The following CYP2E1 variants were observed in gnomAD, a reference collection of about 807,000 sequenced individuals.
The protein encoded by CYP2E1 is cytochrome P450 family 2 subfamily E member 1, also known as cytochrome P450 2E1.
A neutral mutation model predicts 42.9 loss-of-function variants in CYP2E1; 31 were observed. That is an observed-to-expected ratio of 0.72 (90% CI 0.54 to 0.98). CYP2E1 has a LOEUF of 0.98. Among genes scored for constraint, CYP2E1 ranks in the 50% least tolerant of loss-of-function variants. CYP2E1 has a pLI of 0.00. For missense variants in CYP2E1, 565 were observed against 633.2 expected (o/e 0.89, Z 1.16); for synonymous variants, 244 against 248.9 (o/e 0.98, Z 0.19).
intron 7 of CYP2E1, 46 bp downstream of exon 7, chr10:133,537,296 A>G: frequency 6.3e-7 from 1 of 1,581,156 alleles, no homozygotes; most frequent in South Asian, 1.2e-5. Flanking sequence ...CCATCCTATC[A>G]GCTAATCGCC....
intron 8 of CYP2E1, 106 bp from the exon 9 acceptor site, chr10:133,538,674 C>T (rs577398124): frequency 1.4e-4 from 134 of 971,714 alleles, no homozygotes; most frequent in Middle Eastern, 9.0e-4. Flanking sequence ...TTGTGATGGC[C>T]GTTTGCCCAC....
At chr10:133,530,361 C>T (rs975283202) in intron 2 of CYP2E1, among the ~76,000 whole-genome samples, 3 of 152,136 alleles carry the variant, frequency 2.0e-5, no homozygotes, top group African/African-American at 7.2e-5. Context: ...TGGGTCATCT[C>T]GGGATGTCCT....
At chr10:133,529,651 TAAAG>T (rs751781466) in intron 2 of CYP2E1, among the ~76,000 whole-genome samples, 4 of 152,242 alleles carry the variant, frequency 2.6e-5, no homozygotes, top group Non-Finnish European at 5.9e-5. Context: ...AATGAGCTGA[TAAAG>T]AACGCCGTCA....
At position 133,527,425 on chromosome 10, in the gene CYP2E1, G is replaced by C; in HGVS notation, c.30G>C (p.Leu10=). MSALGVTVA[L]LVWAAFLLLV... is the part of the protein sequence containing the mutation. ...CTGCCCTCGGAGTCACCGTGGCCCT[G>C]CTGGTGTGGGCGGCCTTCCTCCTGC... is the stretch of plus-strand genomic sequence containing the variant. The change falls in exon 1 of 9, where the codon CTG becomes CTC. Residue 10 remains leucine (L), a synonymous_variant. Coordinates refer to ENST00000252945, the MANE Select transcript of CYP2E1 (RefSeq NM_000773.4). 6.2e-7 allele frequency: 1 copy of C among 1,612,644 alleles called. No individual in the cohort carries two copies. Among genetic ancestry groups the C allele is most frequent in the Non-Finnish European group, 8.5e-7 (1 of 1,179,426 alleles).
At position 133,531,662 on chromosome 10, in the gene CYP2E1, G is replaced by A. The variant is rs764780713; in HGVS notation, c.415G>A (p.Gly139Arg). The A allele has an allele frequency of 1.9e-6, 3 of 1,613,588 alleles. No individual in the cohort carries two copies. Among genetic ancestry groups the A allele is most frequent in the Admixed American group, 1.7e-5 (1 of 59,980 alleles). ...GACCACCCTCCGGAACTATGGGATG[G>A]GGAAACAGGGCAATGAGAGCCGGAT... ...SLTTLRNYGM[G>R]KQGNESRIQR... The change falls in exon 3 of 9, where the codon GGG becomes AGG. Residue 139 changes from glycine to arginine, a missense_variant. Physicochemically the swap from Gly to Arg is moderately radical, Grantham distance 125 (BLOSUM62 -2). Coordinates refer to ENST00000252945, the MANE Select transcript of CYP2E1 (RefSeq NM_000773.4).
chr10:133,532,265 T>C lies in CYP2E1; in HGVS notation c.629T>C (p.Leu210Pro). 1 of 1,613,308 alleles carries C rather than the reference T, an allele frequency of 6.2e-7. No individual in the cohort carries two copies. Among genetic ancestry groups the C allele is most frequent in the Non-Finnish European group, 8.5e-7 (1 of 1,179,380 alleles). ...TTGTTTAATGAGAACTTCCACCTAC[T>C]CAGCACTCCCTGGCTCCAGGTGAAG... The part of the protein sequence containing the change: ...MYLFNENFHL[L>P]STPWLQLYNN... Residue 210 changes from leucine to proline, a missense_variant, in exon 4 of 9, where the codon CTC becomes CCC. Leu to Pro is a moderately conservative substitution (Grantham distance 98). Coordinates refer to ENST00000252945, the MANE Select transcript of CYP2E1 (RefSeq NM_000773.4).
chr10:133,532,021 G>C, intron 3 of CYP2E1, 103 bp from the exon 4 acceptor site: 1 of 1,117,286 alleles, frequency 9.0e-7, no homozygotes, highest in Non-Finnish European at 1.3e-6. Flanking sequence ...GCAGTTTTCA[G>C]GGCACCTTCT....
intron 2 of CYP2E1, among the ~76,000 whole-genome samples, chr10:133,529,766 G>A (rs1239149263): frequency 2.0e-5 from 3 of 152,230 alleles, no homozygotes; most frequent in Non-Finnish European, 4.4e-5. Context: ...AGGTTCCCGC[G>A]CCAGGACCGC....
chr10:133,528,718 G>T, intron 2 of CYP2E1, 78 bp downstream of exon 2: 1 of 1,536,650 alleles, frequency 6.5e-7, no homozygotes, highest in Non-Finnish European at 8.9e-7. Flanking sequence ...CCACGTCGGC[G>T]ATGGCCAAAT....
rs772410877 is a variant in CYP2E1, at chr10:133,537,054, T to C, written c.968-9T>C. On this transcript the variant is annotated splice_polypyrimidine_tract_variant and intron_variant, in intron 6 of 8. Coordinates refer to ENST00000252945, the MANE Select transcript of CYP2E1 (RefSeq NM_000773.4). ...ATCCCTGAAATTTGTCCCATTCATA[T>C]CTTGGCAGAGAAGCTCCATGAAGAA... 12 of 1,611,814 alleles carry C rather than the reference T, an allele frequency of 7.4e-6. No individual in the cohort carries two copies. The South Asian group carries it at 1.3e-4, about 18-fold the overall frequency.
intron 4 of CYP2E1, among the ~76,000 whole-genome samples, 198 bp from the exon 5 acceptor site, chr10:133,532,494 C>T (rs12254222): frequency 0.072 from 10,921 of 152,022 alleles, 909 homozygotes; most frequent in African/African-American, 0.2. Flanking sequence ...TGTGTATCGA[C>T]CTGTGTGTGC....
At chr10:133,531,525 A>G (rs1851335800) in intron 2 of CYP2E1, 60 bp from the exon 3 acceptor site, 1 of 1,584,072 alleles carries the variant, frequency 6.3e-7, no homozygotes, top group African/African-American at 1.3e-5. Flanking sequence ...GGCCCTCTGT[A>G]GCCCATTTCT....
Position 133,538,884 on chromosome 10 carries a change from G to A in CYP2E1, c.1402G>A (p.Asp468Asn), listed in dbSNP as rs1485596221. ...FNLKPLVDPK[D>N]IDLSPIHIGF... Reference sequence around the variant, plus strand: ...TTTGAAGCCTCTCGTTGACCCAAAGGATATCGACCTCAGCCCTATACATAT... The same window carrying A: ...TTTGAAGCCTCTCGTTGACCCAAAGAATATCGACCTCAGCCCTATACATAT... The change falls in exon 9 of 9, where the codon GAT (aspartate) becomes AAT (asparagine). Residue 468 changes from aspartate to asparagine, a missense_variant. By Grantham distance (23) the Asp-to-Asn change is conservative. Transcript: ENST00000252945. 10 of 1,614,058 alleles carry A rather than the reference G, an allele frequency of 6.2e-6. No individual in the cohort carries two copies. Among genetic ancestry groups the A allele is most frequent in the Non-Finnish European group, 8.5e-6 (10 of 1,180,002 alleles).
intron 1 of CYP2E1, 155 bp from the exon 2 acceptor site, chr10:133,528,326 T>C: frequency 1.2e-6 from 1 of 820,430 alleles, no homozygotes; most frequent in South Asian, 1.9e-5. Context: ...GAGGGGAGGG[T>C]CTCCCCCACC....
Position 133,531,753 on chromosome 10 carries a change from GCAGGGCCCA to G in CYP2E1, c.487+20_487+28del, listed in dbSNP as rs775825300. ...ACCCAAGGTGCGTATCTGCTGCCTA[GCAGGGCCCA>G]GTCCTCTTGCAGACCAGCGGTGTGG... is the stretch of plus-strand genomic sequence containing the variant. On this transcript the variant is annotated intron_variant, in intron 3 of 8. Coordinates refer to ENST00000252945, the MANE Select transcript of CYP2E1 (RefSeq NM_000773.4). 1.3e-6 allele frequency: 2 copies of G among 1,567,100 alleles called. No homozygotes were observed. Among genetic ancestry groups the G allele is most frequent in the Non-Finnish European group, 1.7e-6 (2 of 1,158,214 alleles).
Position 133,537,736 on chromosome 10 carries a change from C to T in CYP2E1, c.1156-15C>T, listed in dbSNP as rs765522224. On this transcript the variant is annotated splice_polypyrimidine_tract_variant and intron_variant, in intron 7 of 8. Coordinates refer to ENST00000252945, the MANE Select transcript of CYP2E1 (RefSeq NM_000773.4). ...TGTTAACATGACTCACTGAGACAGT[C>T]TTTGTTTCTCCTAGGGCACAGTCGT... is the stretch of plus-strand genomic sequence containing the variant. 12 of 1,606,966 alleles carry T rather than the reference C, an allele frequency of 7.5e-6. No homozygotes were observed. The highest frequency in any genetic ancestry group is 2.7e-5 in the African/African-American group (2 of 74,542).
rs1414195422 is a variant in CYP2E1, at chr10:133,532,688, C to T, written c.649-4C>T. ...AGTAGTAAAATATTTTTTTCCCTCT[C>T]TAGCTTTACAATAATTTTCCCAGCT... On this transcript the variant is annotated splice_polypyrimidine_tract_variant and splice_region_variant and intron_variant, in intron 4 of 8. Transcript: ENST00000252945. 1.9e-6 allele frequency: 3 copies of T among 1,585,572 alleles called. No homozygotes were observed. The highest frequency in any genetic ancestry group is 1.7e-4 in the Middle Eastern group (1 of 5,902).
At chr10:133,538,672 G>A in intron 8 of CYP2E1, 108 bp from the exon 9 acceptor site, 4 of 949,384 alleles carry the variant, frequency 4.2e-6, no homozygotes, top group Non-Finnish European at 6.6e-6. Flanking sequence ...CCTTGTGATG[G>A]CCGTTTGCCC....
At chr10:133,532,596 A>G in intron 4 of CYP2E1, 96 bp from the exon 5 acceptor site, 1 of 1,128,182 alleles carries the variant, frequency 8.9e-7, no homozygotes, top group South Asian at 1.5e-5. Context: ...CAATGATTAC[A>G]GCCACAAATT....
Sources: allele counts gnomAD v4.1 joint callset (sites outside exome capture counted in the v4.1 genomes callset), GRCh38; gene constraint gnomAD v4.1.1; transcripts MANE v1.5; gene names NCBI Gene and HGNC (gene_info 2026-07-23, HGNC 2026-07-21).